The following TEX36 variants were observed in gnomAD, a reference collection of about 807,000 sequenced individuals.
TEX36 encodes the protein testis-expressed protein 36.
TEX36 carries 12 observed loss-of-function variants against 13.6 expected under a neutral mutation model. The ratio of observed to expected loss-of-function variants is 0.88; its 90% CI spans 0.56 to 1.43. The LOEUF is 1.43. Ranked by LOEUF, TEX36 falls within the 40% of genes most tolerant of loss-of-function variation. The pLI is 0.00. For synonymous variants in TEX36, 93 were observed against 83.0 expected, an observed-to-expected ratio of 1.12 and a Z score of -0.65; for missense variants, 224 against 228.3, an observed-to-expected ratio of 0.98 and a Z score of 0.12.
chr10:125,620,391 T>C (rs563412732), downstream of TEX36, among the ~76,000 whole-genome samples: 3 of 152,348 alleles, frequency 2.0e-5, no homozygotes, highest in African/African-American at 7.2e-5. Flanking sequence ...CTACTGTCCA[T>C]TTGTAATTTA....
intron 1 of TEX36, among the ~76,000 whole-genome samples, chr10:125,662,536 G>A (rs749052258): frequency 1.3e-5 from 2 of 152,158 alleles, no homozygotes; most frequent in African/African-American, 4.8e-5. Context: ...CAAGAAAAAT[G>A]AGGACTGAGG....
chr10:125,622,245 C>A (rs1846436329), intron 3 of TEX36, among the ~76,000 whole-genome samples: 2 of 152,136 alleles, frequency 1.3e-5, no homozygotes, highest in African/African-American at 4.8e-5. Flanking sequence ...TAATCCTTAA[C>A]CTAAATGCTA....
In TEX36 at chr10:125,679,149, C is replaced by A. The variant is rs201921908; in HGVS notation, c.51+3790G>T. 1.9e-4 allele frequency among the ~76,000 whole-genome samples: 27 copies of A among 142,848 alleles called. 2 individuals are homozygous for A. Among genetic ancestry groups the A allele is most frequent in the African/African-American group, 7.1e-4 (25 of 35,110 alleles). The allele number at this position is 142,848 out of a possible 152,430, so 93.7% of individuals were successfully genotyped here. The stretch of plus-strand genomic sequence containing the variant: ...CTGGCTACAGGAGCACCCCCCCCGC[C>A]CCCGCCAAGCTGACAACTTAGTTCC... On this transcript the variant is annotated intron_variant, in intron 1 of 3. Coordinates refer to ENST00000368821, the MANE Select transcript of TEX36 (RefSeq NM_001128202.3).
At chr10:125,586,651 A>T (rs942794181) in intron 3 of TEX36, among the ~76,000 whole-genome samples, 6 of 150,432 alleles carry the variant, frequency 4.0e-5, no homozygotes, top group Non-Finnish European at 7.4e-5. Flanking sequence ...AAAAAAAAAA[A>T]AAAAAATTAG....
chr10:125,657,014 C>T (rs1168577153), intron 3 of TEX36, among the ~76,000 whole-genome samples: 1 of 151,904 alleles, frequency 6.6e-6, no homozygotes, highest in Non-Finnish European at 1.5e-5. Context: ...CAGGCTTCCT[C>T]ATTCACTCTC....
At chr10:125,595,155 C>T (rs1846065014) in intron 3 of TEX36, among the ~76,000 whole-genome samples, 1 of 152,086 alleles carries the variant, frequency 6.6e-6, no homozygotes, top group Non-Finnish European at 1.5e-5. Context: ...TTTAGGAAAT[C>T]AGAATGGATC....
At chr10:125,613,484 T>C (rs1215689508) in intron 3 of TEX36, among the ~76,000 whole-genome samples, 18 of 125,288 alleles carry the variant, frequency 1.4e-4, no homozygotes, top group Non-Finnish European at 2.5e-4. Context: ...CCTGTGTCCA[T>C]GTGTTCTCAT....
chr10:125,667,572 C>T (rs1481291586), intron 1 of TEX36: 6 of 738,072 alleles, frequency 8.1e-6, no homozygotes, highest in African/African-American at 6.9e-5. Context: ...CCATACAACC[C>T]TTGGGTGGTG....
At chr10:125,677,886 T>G (rs1433607848) in intron 1 of TEX36, among the ~76,000 whole-genome samples, 1 of 152,174 alleles carries the variant, frequency 6.6e-6, no homozygotes, top group Admixed American at 6.5e-5. Flanking sequence ...TTCACCATGT[T>G]GGCCAGGCTG....
At chr10:125,676,226 A>C (rs1407361412) in intron 1 of TEX36, among the ~76,000 whole-genome samples, 1 of 152,210 alleles carries the variant, frequency 6.6e-6, no homozygotes, top group Non-Finnish European at 1.5e-5. Context: ...GAAGACTTCC[A>C]CTATTATTGC....
At chr10:125,636,489 CG>C (rs1565180265) in intron 3 of TEX36, among the ~76,000 whole-genome samples, 1 of 152,050 alleles carries the variant, frequency 6.6e-6, no homozygotes. Flanking sequence ...GCTAGGATTA[CG>C]GGCGTGAGCC....
intron 3 of TEX36, among the ~76,000 whole-genome samples, chr10:125,589,405 A>G (rs1845996275): frequency 6.6e-6 from 1 of 152,206 alleles, no homozygotes; most frequent in Admixed American, 6.5e-5. Context: ...TAGGGGTGAT[A>G]GTGGCCACCC....
chr10:125,642,061 G>T (rs1846700387), intron 3 of TEX36, among the ~76,000 whole-genome samples: 2 of 152,212 alleles, frequency 1.3e-5, no homozygotes, highest in South Asian at 4.1e-4. Context: ...GTAATTTTTT[G>T]AATTTCACTT....
chr10:125,678,995 G>A (rs926090627), intron 1 of TEX36, among the ~76,000 whole-genome samples: 2 of 152,096 alleles, frequency 1.3e-5, no homozygotes, highest in African/African-American at 4.8e-5. Context: ...GGAGGGAGGG[G>A]TTGTCTTTGG....
chr10:125,663,185 T>C lies in TEX36; in HGVS notation c.52-1208A>G, dbSNP rs143765432. On this transcript the variant is annotated intron_variant, in intron 1 of 3. Coordinates refer to ENST00000368821, the MANE Select transcript of TEX36 (RefSeq NM_001128202.3). ...CCTATCTGTAAAATGGGAATAATAA[T>C]ACCTACCTGATATGGTAGATTTGAT... 3.1e-3 allele frequency among the ~76,000 whole-genome samples: 468 copies of C among 152,310 alleles called. 3 individuals are homozygous for C. Among genetic ancestry groups the C allele is most frequent in the African/African-American group, 0.01 (430 of 41,572 alleles).
intron 3 of TEX36, among the ~76,000 whole-genome samples, chr10:125,599,592 G>A (rs997635948): frequency 6.6e-6 from 1 of 152,182 alleles, no homozygotes; most frequent in Admixed American, 6.5e-5. Flanking sequence ...CTTAGGGAAA[G>A]ATGGCGCATA....
At chr10:125,666,371 C>T (rs1847121828) in intron 1 of TEX36, among the ~76,000 whole-genome samples, 1 of 152,088 alleles carries the variant, frequency 6.6e-6, no homozygotes, top group South Asian at 2.1e-4. Flanking sequence ...AGTTATGTTC[C>T]TTCTATGTCT....
At chr10:125,667,553 TCAGA>T (rs1847143567) in intron 1 of TEX36, 2 of 738,056 alleles carry the variant, frequency 2.7e-6, no homozygotes, top group Non-Finnish European at 5.1e-6. Flanking sequence ...GGCACAGCAC[TCAGA>T]CAGCCCATAC....
intron 3 of TEX36, among the ~76,000 whole-genome samples, chr10:125,584,981 G>T (rs1845926399): frequency 6.6e-6 from 1 of 152,200 alleles, no homozygotes; most frequent in Non-Finnish European, 1.5e-5. Flanking sequence ...CAATAGCTCA[G>T]ATGAATGTCT....
Sources: allele counts gnomAD v4.1 joint callset (sites outside exome capture counted in the v4.1 genomes callset), GRCh38; gene constraint gnomAD v4.1.1; transcripts MANE v1.5; gene names NCBI Gene and HGNC (gene_info 2026-07-23, HGNC 2026-07-21).